The following PRR14 variants were observed in gnomAD, a reference collection of about 807,000 sequenced individuals.
The protein encoded by PRR14 is proline rich 14.
A neutral mutation model predicts 57.2 loss-of-function variants in PRR14; 33 were observed. The observed-to-expected ratio is 0.58, with a 90% CI of 0.44 to 0.77. The LOEUF is 0.77. Among genes scored for constraint, PRR14 ranks in the 30% least tolerant of loss-of-function variants. The probability of loss-of-function intolerance (pLI) is 0.00; values close to 1 mark genes in which losing one functional copy is unlikely to be tolerated. For synonymous variants in PRR14, 303 were observed against 314.7 expected, an observed-to-expected ratio of 0.96 and a Z score of 0.39; for missense variants, 716 against 788.1, an observed-to-expected ratio of 0.91 and a Z score of 1.10.
Position 30,655,284 on chromosome 16 carries a change from A to G in PRR14, c.1245-67A>G. ...TCCCAGCCTCCTTCCCTGAGTATCC[A>G]GTGGGCAGGAGACGGGGGATAATGC... is the stretch of plus-strand genomic sequence containing the variant. On this transcript the variant is annotated intron_variant, in intron 8 of 11. Coordinates refer to ENST00000300835, the MANE Select transcript of PRR14 (RefSeq NM_024031.5). This position sits in a 1 kb window ranked among gnomAD's most constrained non-coding sequence, Gnocchi z 4.6. The G allele has an allele frequency of 1.2e-6, 2 of 1,603,030 alleles. No individual in the cohort carries two copies. Among genetic ancestry groups the G allele is most frequent in the South Asian group, 2.2e-5 (2 of 90,724 alleles).
Position 30,651,349 on chromosome 16 carries a change from C to T in PRR14, c.-51+222C>T, listed in dbSNP as rs1289609035. ...CAAAGGCCTCGGGAGGCTCGGGCCGCGGGAGAACTGGGGCCGCTGCATTCT... is the reference window on the plus strand; with the variant it reads ...CAAAGGCCTCGGGAGGCTCGGGCCGTGGGAGAACTGGGGCCGCTGCATTCT... On this transcript the variant is annotated intron_variant, in intron 1 of 11. Coordinates refer to ENST00000300835, the MANE Select transcript of PRR14 (RefSeq NM_024031.5). The surrounding 1 kb of genome is among the most constrained non-coding windows in gnomAD (Gnocchi z 5.0). The T allele has an allele frequency of 2.3e-6, 1 of 431,488 alleles. No individual in the cohort carries two copies. Among genetic ancestry groups the T allele is most frequent in the Non-Finnish European group, 4.2e-6 (1 of 237,336 alleles). 26.7% of individuals were successfully genotyped at this position (431,488 alleles called of 1,614,324 possible). A position where few individuals can be genotyped will look rare whatever the true frequency, so the allele number is the denominator to read the frequency against.
At chr16:30,652,544 G>C in intron 3 of PRR14, 177 bp from the exon 4 acceptor site, 1 of 727,126 alleles carries the variant, frequency 1.4e-6, no homozygotes. Context: ...TGCAGTTTAG[G>C]ACTCTTAATA....
At chr16:30,654,012 C>T in intron 6 of PRR14, 1 of 556,614 alleles carries the variant, frequency 1.8e-6, no homozygotes, top group Non-Finnish European at 3.2e-6. Flanking sequence ...GCATGTAGTT[C>T]TAGCCACTTG....
Position 30,651,927 on chromosome 16 carries a change from T to C in PRR14, c.155T>C (p.Leu52Pro). ...CTGGAAAAGGCCTCTCGGCGGGTCC[T>C]GGCCGTGGTGCTAGAAGATGTCATG... ...SPLEKASRRVLAVVLEDVMAV... is the reference protein window; with the variant it reads ...SPLEKASRRVPAVVLEDVMAV... The change falls in exon 3 of 12, where the codon CTG (leucine) becomes CCG (proline). Residue 52 changes from leucine to proline, a missense_variant. Leu to Pro is a moderately conservative substitution (Grantham distance 98). Transcript: ENST00000300835. This position sits in a 1 kb window ranked among gnomAD's most constrained non-coding sequence, Gnocchi z 5.0. 6.4e-7 allele frequency: 1 copy of C among 1,570,912 alleles called. No individual in the cohort carries two copies. The highest frequency in any genetic ancestry group is 8.6e-7 in the Non-Finnish European group (1 of 1,160,356).
Position 30,656,154 on chromosome 16 carries a change from C to T in PRR14, c.1601C>T (p.Pro534Leu), listed in dbSNP as rs770412677. ...RDSSLPRSRR[P>L]SRGVRAAGGR... is the part of the protein sequence containing the mutation. ...AGCAGCCTTCCTCGATCACGAAGAC[C>T]GTCCCGTGGGGTCCGGGCTGCAGGG... The change falls in exon 12 of 12, where the codon CCG (proline) becomes CTG (leucine). Residue 534 changes from proline to leucine, a missense_variant. By Grantham distance (98) the Pro-to-Leu change is moderately conservative (BLOSUM62 -3). Coordinates refer to ENST00000300835, the MANE Select transcript of PRR14 (RefSeq NM_024031.5). The T allele has an allele frequency of 1.1e-5, 18 of 1,587,208 alleles. No homozygotes were observed. Among genetic ancestry groups the T allele is most frequent in the African/African-American group, 9.5e-5 (7 of 73,574 alleles).
Position 30,654,906 on chromosome 16 carries a change from G to A in PRR14, c.936G>A (p.Trp312Ter). Residue 312 changes from tryptophan (W) to a stop codon, truncating the protein, a stop_gained, in exon 8 of 12, where the codon TGG (tryptophan) becomes TGA (stop). Transcript: ENST00000300835. LOFTEE classifies it high-confidence loss of function. ...GCCCCCGGCCCCCAATCCGCCAGTG[G>A]CGAACTCAGGACCACAATACCCCAG... ...SVSPRPPIRQ[W>*]RTQDHNTPAL... 2 of 1,612,840 alleles carry A rather than the reference G, an allele frequency of 1.2e-6. No individual in the cohort carries two copies. Among genetic ancestry groups the A allele is most frequent in the Non-Finnish European group, 1.7e-6 (2 of 1,179,626 alleles).
chr16:30,652,091 G>C, intron 3 of PRR14, 127 bp downstream of exon 3: 1 of 1,085,744 alleles, frequency 9.2e-7, no homozygotes. Context: ...CCCTCAGGCA[G>C]CCTCCCTCAT....
At chr16:30,653,192 T>C in intron 5 of PRR14, 89 bp downstream of exon 5, 1 of 1,438,342 alleles carries the variant, frequency 7.0e-7, no homozygotes, top group Non-Finnish European at 9.5e-7. Flanking sequence ...AGGTGGGTTT[T>C]TCTTGGGGTG....
rs780079702 is a variant in PRR14 at position 30,654,252 on chromosome 16, C to T, written c.571C>T (p.Arg191Cys). ...CAGAGCTGAGCCCATGAGGATAGTTCGCCAGCCAACGCCTCCACCTGGGGA... is the reference window on the plus strand; with the variant it reads ...CAGAGCTGAGCCCATGAGGATAGTTTGCCAGCCAACGCCTCCACCTGGGGA... ...AQRAEPMRIV[R>C]QPTPPPGDLE... Residue 191 changes from arginine to cysteine, a missense_variant, in exon 7 of 12, where the codon CGC becomes TGC. Transcript: ENST00000300835. The T allele has an allele frequency of 7.0e-5, 113 of 1,613,884 alleles. No individual in the cohort carries two copies. The highest frequency in any genetic ancestry group is 8.4e-5 in the Non-Finnish European group (99 of 1,179,948).
rs763589393 is a variant in PRR14, at chr16:30,656,288, C to T, written c.1735C>T (p.Arg579Trp). Residue 579 changes from arginine (R) to tryptophan (W), a missense_variant, in exon 12 of 12, where the codon CGG (arginine) becomes TGG (tryptophan). Physicochemically the swap from Arg to Trp is moderately radical, Grantham distance 101. Coordinates refer to ENST00000300835, the MANE Select transcript of PRR14 (RefSeq NM_024031.5). ...GCTCCTGGAGGAAGAAACAGTAGAT[C>T]GGGAGCAGCCCCACTGGACCTAGGT... is the stretch of plus-strand genomic sequence containing the variant. ...ALLLEEETVDREQPHWT is the reference protein window; with the variant it reads ...ALLLEEETVDWEQPHWT 9.3e-6 allele frequency: 15 copies of T among 1,612,652 alleles called. No homozygotes were observed. Among genetic ancestry groups the T allele is most frequent in the African/African-American group, 2.7e-5 (2 of 75,028 alleles).
At chr16:30,650,886 T>C, upstream of PRR14, 1 of 401,806 alleles carries the variant, frequency 2.5e-6, no homozygotes, top group South Asian at 1.7e-5. Context: ...TTCTGAACCA[T>C]CTGGTCCCGG....
Position 30,655,761 on chromosome 16 carries a change from C to T in PRR14, c.1407-107C>T. 2 of 1,370,832 alleles carry T rather than the reference C, an allele frequency of 1.5e-6. No homozygotes were observed. The highest frequency in any genetic ancestry group is 2.1e-6 in the Non-Finnish European group (2 of 959,636). 84.9% of individuals were successfully genotyped at this position (1,370,832 alleles called of 1,614,324 possible). Reference sequence around the variant, plus strand: ...TTGCCTGTCTGCCTTATGTAGCACTCCTGGCCCTGACATGTCCCAGAAACT... The same window carrying T: ...TTGCCTGTCTGCCTTATGTAGCACTTCTGGCCCTGACATGTCCCAGAAACT... On this transcript the variant is annotated intron_variant, in intron 10 of 11. Transcript: ENST00000300835. The surrounding 1 kb of genome is among the most constrained non-coding windows in gnomAD (Gnocchi z 4.6).
chr16:30,654,438 C>T (rs2052345133), intron 7 of PRR14, 99 bp downstream of exon 7: 2 of 1,103,456 alleles, frequency 1.8e-6, no homozygotes, highest in Non-Finnish European at 1.4e-6. Flanking sequence ...GGGCTTAAGC[C>T]ACCTCCCAGG....
Position 30,652,705 on chromosome 16 carries a change from C to T in PRR14, c.193-16C>T. 1 of 1,614,186 alleles carries T rather than the reference C, an allele frequency of 6.2e-7. No individual in the cohort carries two copies. The highest frequency in any genetic ancestry group is 8.5e-7 in the Non-Finnish European group (1 of 1,180,032). On this transcript the variant is annotated splice_polypyrimidine_tract_variant and intron_variant, in intron 3 of 11. Coordinates refer to ENST00000300835, the MANE Select transcript of PRR14 (RefSeq NM_024031.5). ...TCATTCTATCACCTTGCTCTTGACA[C>T]CTCTTTCTCTTCCAGGTCCCCGTGG... is the stretch of plus-strand genomic sequence containing the variant.
At chr16:30,652,611 G>A in intron 3 of PRR14, 110 bp from the exon 4 acceptor site, 1 of 1,345,056 alleles carries the variant, frequency 7.4e-7, no homozygotes, top group Non-Finnish European at 1.0e-6. Flanking sequence ...GTGAATTCTA[G>A]CCCCAATCTC....
chr16:30,654,384 C>G (rs773309262), intron 7 of PRR14, 45 bp downstream of exon 7: 1 of 1,487,762 alleles, frequency 6.7e-7, no homozygotes, highest in Admixed American at 1.7e-5. Context: ...GTGTCTGGGA[C>G]ATCCTAGTTG....
Position 30,651,099 on chromosome 16 carries a change from G to A in PRR14, c.-79G>A, listed in dbSNP as rs560946274. On this transcript the variant is annotated 5_prime_UTR_variant, in exon 1 of 12. Coordinates refer to ENST00000300835, the MANE Select transcript of PRR14 (RefSeq NM_024031.5). The surrounding 1 kb of genome is among the most constrained non-coding windows in gnomAD (Gnocchi z 5.0). ...AGCTTACAGGGGAAGGAAAAGCCTC[G>A]CCCGGCGTCTGATTGGCGGAACCGC... 30 of 453,190 alleles carry A rather than the reference G, an allele frequency of 6.6e-5. No individual in the cohort carries two copies. Among genetic ancestry groups the A allele is most frequent in the Admixed American group, 5.2e-4 (22 of 42,478 alleles). 28.1% of individuals were successfully genotyped at this position (453,190 alleles called of 1,614,324 possible).
intron 3 of PRR14, 65 bp from the exon 4 acceptor site, chr16:30,652,656 A>G: frequency 1.2e-6 from 2 of 1,602,900 alleles, no homozygotes; most frequent in Non-Finnish European, 1.7e-6. Flanking sequence ...TGTGAGGCAC[A>G]GGGAAACCTT....
Position 30,652,913 on chromosome 16 carries a change from G to C in PRR14, c.315-1G>C. 1 of 1,613,978 alleles carries C rather than the reference G, an allele frequency of 6.2e-7. No homozygotes were observed. On this transcript the variant is annotated splice_acceptor_variant, in intron 4 of 11. Transcript: ENST00000300835. LOFTEE classifies it high-confidence loss of function. ...TTTTAATCTTCCTGTTCCCTCGCTA[G>C]GCCTCCCGACCCTCTGTGTTTGTGT... is the stretch of plus-strand genomic sequence containing the variant.
Sources: gnomAD v4.1 joint callset for allele counts on GRCh38, gnomAD v4.1.1 for gene constraint, Gnocchi (gnomAD v3.1) non-coding constraint, MANE v1.5 for transcripts, NCBI Gene and HGNC (gene_info 2026-07-23, HGNC 2026-07-21) for gene names.